Variants in CDH6 observed in about 807,000 individuals in gnomAD.
CDH6 encodes cadherin-6.
A neutral mutation model predicts 78.0 loss-of-function variants in CDH6; 31 were observed. The observed-to-expected ratio is 0.40, with a 90% CI of 0.30 to 0.54. CDH6 has a LOEUF of 0.54. Ranked by LOEUF, CDH6 falls within the 20% of genes least tolerant of loss-of-function variation. CDH6 has a pLI of 0.56. For synonymous variants in CDH6, 376 were observed against 368.8 expected, an observed-to-expected ratio of 1.02 and a Z score of -0.23; for missense variants, 724 against 975.9, an observed-to-expected ratio of 0.74 and a Z score of 3.44.
In CDH6 at chr5:31,317,391, A is replaced by G; in HGVS notation, c.1529A>G (p.His510Arg). 1 of 1,583,442 alleles carries G rather than the reference A, an allele frequency of 6.3e-7. No homozygotes were observed. The highest frequency in any genetic ancestry group is 8.7e-7 in the Non-Finnish European group (1 of 1,156,050). Residue 510 changes from histidine to arginine, a missense_variant, in exon 10 of 12, where the codon CAT becomes CGT. This residue lies in a region of CDH6 where 446 missense variants were observed against 684.5 expected (regional missense o/e 0.65). Transcript: ENST00000265071. ...AKADQLIQTL[H>R]AVDKDDPYSG... ...TTCTCTTAGTTGATTCAGACCCTGC[A>G]TGCTGTTGACAAGGATGACCCTTAT...
chr5:31,255,423 G>A (rs949788255), intron 1 of CDH6, among the ~76,000 whole-genome samples: 17 of 152,180 alleles, frequency 1.1e-4, no homozygotes, highest in Non-Finnish European at 1.8e-4. Context: ...CAAGTGTTTA[G>A]TAAACATCGA....
chr5:31,320,089 GA>G (rs1738439092), intron 11 of CDH6, among the ~76,000 whole-genome samples: 1 of 152,152 alleles, frequency 6.6e-6, no homozygotes, highest in African/African-American at 2.4e-5. Context: ...GGGAAAGGGG[GA>G]GACTCAGTTC....
Position 31,323,056 on chromosome 5 carries a change from C to A in CDH6, c.2121C>A (p.Arg707=), listed in dbSNP as rs764986629. 1 of 1,614,074 alleles carries A rather than the reference C, an allele frequency of 6.2e-7. No individual in the cohort carries two copies. The highest frequency in any genetic ancestry group is 1.7e-5 in the Admixed American group (1 of 60,008). The part of the protein sequence containing the change: ...LFLPRRTPTA[R]DNTDVRDFIN... Reference sequence around the variant, plus strand: ...TACCCCGACGGACTCCAACAGCTCGCGACAACACCGATGTCAGAGATTTCA... The same window carrying A: ...TACCCCGACGGACTCCAACAGCTCGAGACAACACCGATGTCAGAGATTTCA... Residue 707 remains arginine, a synonymous_variant, in exon 12 of 12, where the codon CGC becomes CGA. Coordinates refer to ENST00000265071, the MANE Select transcript of CDH6 (RefSeq NM_004932.4).
In CDH6 at chr5:31,328,841, A is replaced by T. The variant is rs1196739181; in HGVS notation, c.*5533A>T. The T allele has an allele frequency of 4.6e-6, 1 of 219,432 alleles. No individual in the cohort carries two copies. Among genetic ancestry groups the T allele is most frequent in the Non-Finnish European group, 9.1e-6 (1 of 109,476 alleles). 13.6% of individuals were successfully genotyped at this position (219,432 alleles called of 1,614,324 possible). ...CAAGCAATGCTCAGTTCCCATCAAC[A>T]TTTCTAGTTAGGGGGATTCTCATAA... On this transcript the variant is annotated 3_prime_UTR_variant, in exon 12 of 12. Coordinates refer to ENST00000265071, the MANE Select transcript of CDH6 (RefSeq NM_004932.4).
At chr5:31,230,146 T>C (rs1310978008) in intron 1 of CDH6, among the ~76,000 whole-genome samples, 1 of 152,182 alleles carries the variant, frequency 6.6e-6, no homozygotes, top group Non-Finnish European at 1.5e-5. Context: ...GAAGTCCCAA[T>C]TTAGACACAG....
intron 1 of CDH6, among the ~76,000 whole-genome samples, chr5:31,266,483 A>G (rs1273065890): frequency 1.3e-5 from 2 of 152,170 alleles, no homozygotes; most frequent in South Asian, 2.1e-4. Flanking sequence ...AATATGCTTG[A>G]TTGTTTATGA....
intron 2 of CDH6, among the ~76,000 whole-genome samples, chr5:31,275,679 C>G (rs192903831): frequency 2.0e-5 from 3 of 152,088 alleles, no homozygotes; most frequent in Non-Finnish European, 2.9e-5. Flanking sequence ...GTCCATGTCT[C>G]TTTTTGGTAG....
intron 1 of CDH6, among the ~76,000 whole-genome samples, chr5:31,242,709 G>GGA (rs1554005347): frequency 9.3e-5 from 14 of 150,216 alleles, no homozygotes; most frequent in South Asian, 2.2e-4. Flanking sequence ...AATGGGGGGG[G>GGA]GCGGTTAGAA....
intron 2 of CDH6, among the ~76,000 whole-genome samples, chr5:31,293,710 T>A (rs191154855): frequency 3.9e-5 from 6 of 152,172 alleles, no homozygotes; most frequent in Admixed American, 3.9e-4. Context: ...TTTCCCTTCT[T>A]CAAAATAAAG....
intron 7 of CDH6, among the ~76,000 whole-genome samples, chr5:31,305,647 G>T (rs932626132): frequency 3.9e-5 from 6 of 152,160 alleles, no homozygotes; most frequent in Non-Finnish European, 5.9e-5. Context: ...CTGGGGGATT[G>T]GTTCCAGGCC....
intron 1 of CDH6, among the ~76,000 whole-genome samples, chr5:31,202,742 G>A (rs368544771): frequency 2.1e-4 from 32 of 149,266 alleles, no homozygotes; most frequent in Non-Finnish European, 4.0e-4. Context: ...ACATATATGC[G>A]TGTATATATG....
At chr5:31,199,919 C>CT (rs1740304135) in intron 1 of CDH6, among the ~76,000 whole-genome samples, 1 of 151,658 alleles carries the variant, frequency 6.6e-6, no homozygotes, top group Admixed American at 6.6e-5. Flanking sequence ...TTTACTTAGC[C>CT]CTTTTTTGGT....
chr5:31,210,076 T>TCGTGTG (rs139058311), intron 1 of CDH6, among the ~76,000 whole-genome samples: 1 of 146,566 alleles, frequency 6.8e-6, no homozygotes, highest in East Asian at 2.0e-4. Flanking sequence ...TTTTCTTAAA[T>TCGTGTG]TGTGTGTGTG....
At position 31,235,232 on chromosome 5, in the gene CDH6, TTTTC is replaced by T. The variant is rs1027457311; in HGVS notation, c.-128-32110_-128-32107del. Among the ~76,000 whole-genome samples the T allele has an allele frequency of 3.9e-4, 22 of 56,610 alleles. No individual in the cohort carries two copies. The East Asian group carries it at 6.5e-3, about 17-fold the overall frequency. 37.1% of individuals were successfully genotyped at this position (56,610 alleles called of 152,430 possible). A position where few individuals can be genotyped will look rare whatever the true frequency, so the allele number is the denominator to read the frequency against. On this transcript the variant is annotated intron_variant, in intron 1 of 11. Coordinates refer to ENST00000265071, the MANE Select transcript of CDH6 (RefSeq NM_004932.4). ...ATATAATTTCATCTTTTCTATTCCT[TTTTC>T]TTTTTTTTTTTTTTTTTGCCTTGTA...
intron 1 of CDH6, among the ~76,000 whole-genome samples, chr5:31,218,493 G>T (rs1056302993): frequency 6.6e-6 from 1 of 152,052 alleles, no homozygotes; most frequent in African/African-American, 2.4e-5. Context: ...ACCCACTCTC[G>T]TTTATTTCGA....
intron 1 of CDH6, among the ~76,000 whole-genome samples, chr5:31,233,658 T>C (rs1320896711): frequency 6.6e-6 from 1 of 152,250 alleles, no homozygotes; most frequent in Non-Finnish European, 1.5e-5. Flanking sequence ...TGAAAGTTTC[T>C]TTCCTGTGTG....
At position 31,324,372 on chromosome 5, in the gene CDH6, T is replaced by C. The variant is rs1199714737; in HGVS notation, c.*1064T>C. On this transcript the variant is annotated 3_prime_UTR_variant, in exon 12 of 12. Coordinates refer to ENST00000265071, the MANE Select transcript of CDH6 (RefSeq NM_004932.4). ...TCACTCTAGGAGTTCAGTGGAGAGGTTAGAGCCAGCCACACTTGAACCTAA... is the reference window on the plus strand; with the variant it reads ...TCACTCTAGGAGTTCAGTGGAGAGGCTAGAGCCAGCCACACTTGAACCTAA... The C allele has an allele frequency of 4.7e-6, 1 of 214,708 alleles. No individual in the cohort carries two copies. Among genetic ancestry groups the C allele is most frequent in the African/African-American group, 2.3e-5 (1 of 44,304 alleles). The allele number at this position is 214,708 out of a possible 1,614,324, so 13.3% of individuals were successfully genotyped here. A position where few individuals can be genotyped will look rare whatever the true frequency, so the allele number is the denominator to read the frequency against.
At chr5:31,282,392 T>C (rs1447186945) in intron 2 of CDH6, among the ~76,000 whole-genome samples, 1 of 152,066 alleles carries the variant, frequency 6.6e-6, no homozygotes, top group African/African-American at 2.4e-5. Flanking sequence ...AAATTCTCTC[T>C]CTCTCTTTCT....
intron 1 of CDH6, among the ~76,000 whole-genome samples, chr5:31,225,012 G>A (rs1741109803): frequency 6.6e-6 from 1 of 152,210 alleles, no homozygotes; most frequent in South Asian, 2.1e-4. Context: ...ATCTCTGACT[G>A]TTACAACTGG....
Sources: allele counts gnomAD v4.1 joint callset (sites outside exome capture counted in the v4.1 genomes callset), GRCh38; gene constraint gnomAD v4.1.1; regional missense constraint gnomAD v4.1.1; transcripts MANE v1.5; gene names NCBI Gene and HGNC (gene_info 2026-07-23, HGNC 2026-07-21).